The following CACNA1E variants were observed in gnomAD, a reference collection of about 807,000 sequenced individuals.
CACNA1E encodes calcium voltage-gated channel subunit alpha1 E.
In CACNA1E, 40 loss-of-function variants were observed where a neutral mutation model predicts 259.2. That is an observed-to-expected ratio of 0.15 (90% CI 0.12 to 0.20). The LOEUF (loss-of-function observed/expected upper bound fraction) is 0.20. CACNA1E is among the 10% of genes least tolerant of loss of function. The pLI, the probability that CACNA1E is intolerant of heterozygous loss-of-function variation, is 1.00. For synonymous variants in CACNA1E, 1,104 were observed against 1,138.5 expected, an observed-to-expected ratio of 0.97 and a Z score of 0.61; for missense variants, 1,874 against 3,040.1, an observed-to-expected ratio of 0.62 and a Z score of 9.02.
intron 7 of CACNA1E, among the ~76,000 whole-genome samples, chr1:181,695,955 TAATA>T (rs1558276376): frequency 1.3e-5 from 2 of 152,134 alleles, no homozygotes; most frequent in African/African-American, 4.8e-5. Context: ...ACCCTGTCTC[TAATA>T]AATAAATTAA....
intron 10 of CACNA1E, 53 bp from the exon 11 acceptor site, chr1:181,717,040 C>T (rs2102460698): frequency 6.6e-7 from 1 of 1,507,502 alleles, no homozygotes; most frequent in Non-Finnish European, 9.2e-7. Flanking sequence ...TGCTCCCTGG[C>T]CCGGACCACA....
intron 2 of CACNA1E, among the ~76,000 whole-genome samples, chr1:181,435,522 A>T (rs1239143676): frequency 6.6e-6 from 1 of 151,998 alleles, no homozygotes; most frequent in Non-Finnish European, 1.5e-5. Flanking sequence ...CTGATTATTT[A>T]TTTATTTATT....
At chr1:181,379,510 AAAC>A (rs560299229) in intron 1 of CACNA1E, among the ~76,000 whole-genome samples, 94 of 152,326 alleles carry the variant, frequency 6.2e-4, no homozygotes, top group Admixed American at 2.2e-3. Context: ...GGTAGCTTAT[AAAC>A]AACATTTATT....
chr1:181,508,272 T>C (rs1665886584), intron 1 of CACNA1E, among the ~76,000 whole-genome samples: 1 of 152,152 alleles, frequency 6.6e-6, no homozygotes, highest in Non-Finnish European at 1.5e-5. Flanking sequence ...AGGCTTTCTC[T>C]CATTGGTTGA....
intron 17 of CACNA1E, 45 bp from the exon 18 acceptor site, chr1:181,726,020 C>T (rs1433800463): frequency 7.2e-7 from 1 of 1,392,446 alleles, no homozygotes; most frequent in Non-Finnish European, 1.0e-6. Context: ...AAGCTACTCT[C>T]CTTCCTGGGG....
In CACNA1E at chr1:181,807,111, A is replaced by T. The variant is rs1472746286; in HGVS notation, c.*8277A>T. The stretch of plus-strand genomic sequence containing the variant: ...AATTCAAGACTGGCCTGGATGACAG[A>T]GTGAAACCCTCATCTCTTAAAAAAA... On this transcript the variant is annotated 3_prime_UTR_variant, in exon 48 of 48. Coordinates refer to ENST00000367573, the MANE Select transcript of CACNA1E (RefSeq NM_001205293.3). 1.3e-5 allele frequency: 2 copies of T among 149,840 alleles called. No homozygotes were observed. The highest frequency in any genetic ancestry group is 4.9e-5 in the African/African-American group (2 of 40,856). 9.3% of individuals were successfully genotyped at this position (149,840 alleles called of 1,614,324 possible). A position where few individuals can be genotyped will look rare whatever the true frequency, so the allele number is the denominator to read the frequency against.
intron 1 of CACNA1E, among the ~76,000 whole-genome samples, chr1:181,495,172 G>A (rs1332687063): frequency 6.6e-6 from 1 of 152,194 alleles, no homozygotes; most frequent in Admixed American, 6.5e-5. Flanking sequence ...GATCTCAGGA[G>A]TTGAAGGGAT....
chr1:181,603,973 G>T (rs145968729), intron 6 of CACNA1E, among the ~76,000 whole-genome samples: 1 of 152,308 alleles, frequency 6.6e-6, no homozygotes, highest in Non-Finnish European at 1.5e-5. Context: ...CTTGGCGACT[G>T]CCCTGTGACC....
Position 181,793,700 on chromosome 1 carries a change from C to CTCTAACCATGGCATCTACCT in CACNA1E, c.5937_5956dup (p.Pro1986LeufsTer26). 1 of 1,611,116 alleles carries CTCTAACCATGGCATCTACCT rather than the reference C, an allele frequency of 6.2e-7. No individual in the cohort carries two copies. Among genetic ancestry groups the CTCTAACCATGGCATCTACCT allele is most frequent in the Non-Finnish European group, 8.5e-7 (1 of 1,179,246 alleles). On this transcript the variant is annotated frameshift_variant, in exon 45 of 48. Coordinates refer to ENST00000367573, the MANE Select transcript of CACNA1E (RefSeq NM_001205293.3). LOFTEE classifies it high-confidence loss of function. ...TTAGTGAATTAAAAAGCGTGCAGCC[C>CTCTAACCATGGCATCTACCT]TCTAACCATGGCATCTACCTTCCTT...
chr1:181,622,959 TC>T (rs1366845266), intron 6 of CACNA1E, among the ~76,000 whole-genome samples: 33 of 152,224 alleles, frequency 2.2e-4, no homozygotes, highest in Admixed American at 2.2e-3. Context: ...CAGTTGGACT[TC>T]CTGTGGTGAA....
At chr1:181,326,215 A>G (rs891206413) in intron 1 of CACNA1E, among the ~76,000 whole-genome samples, 1 of 152,246 alleles carries the variant, frequency 6.6e-6, no homozygotes, top group African/African-American at 2.4e-5. Flanking sequence ...ATAGATGAGC[A>G]GAAAGGCCTG....
At chr1:181,585,020 C>CA (rs1553288758) in intron 6 of CACNA1E, among the ~76,000 whole-genome samples, 16 of 151,914 alleles carry the variant, frequency 1.1e-4, no homozygotes, top group South Asian at 2.1e-4. Context: ...GTCCCCCCCC[C>CA]TGCCTCAAAC....
At chr1:181,791,788 GCTCTTCTCTCCCCTTCATTT>G (rs1445292621) in intron 44 of CACNA1E, among the ~76,000 whole-genome samples, 1 of 152,162 alleles carries the variant, frequency 6.6e-6, no homozygotes, top group African/African-American at 2.4e-5. Context: ...TTCATCTGTG[GCTCTTCTCTCCCCTTCATTT>G]CTCTCCTGAT....
intron 46 of CACNA1E, 50 bp downstream of exon 46, chr1:181,795,094 C>G: frequency 6.9e-7 from 1 of 1,455,186 alleles, no homozygotes; most frequent in Non-Finnish European, 9.5e-7. Flanking sequence ...TGGGCTCCTG[C>G]CCTGATGCAC....
chr1:181,698,930 C>T (rs1386143335), intron 7 of CACNA1E, among the ~76,000 whole-genome samples: 1 of 152,146 alleles, frequency 6.6e-6, no homozygotes, highest in African/African-American at 2.4e-5. Context: ...GACAAAGTCT[C>T]AATTGCAGCA....
Position 181,717,280 on chromosome 1 carries a change from C to T in CACNA1E, c.1503C>T (p.Pro501=). The change falls in exon 11 of 48, where the codon CCC becomes CCT. Residue 501 remains proline (P), a synonymous_variant. Coordinates refer to ENST00000367573, the MANE Select transcript of CACNA1E (RefSeq NM_001205293.3). ...TGGCCATTGTCCATCACAACCAGCC[C>T]CAGTGGCTCACCCACCTCCTCTGTA... ...ACVAIVHHNQ[P]QWLTHLLYYA... 1.2e-6 allele frequency: 2 copies of T among 1,613,642 alleles called. No individual in the cohort carries two copies. Among genetic ancestry groups the T allele is most frequent in the East Asian group, 2.2e-5 (1 of 44,846 alleles).
chr1:181,327,273 G>A (rs7548242), intron 1 of CACNA1E, among the ~76,000 whole-genome samples: 84,040 of 151,984 alleles, frequency 0.55, 24,467 homozygotes, highest in African/African-American at 0.72. Context: ...CATTGTGCTC[G>A]CCAACTATGA....
At chr1:181,603,897 C>T (rs1341253479) in intron 6 of CACNA1E, among the ~76,000 whole-genome samples, 4 of 152,126 alleles carry the variant, frequency 2.6e-5, no homozygotes, top group Admixed American at 1.3e-4. Context: ...GATGGGGAGG[C>T]GGCTGTGCAG....
chr1:181,750,621 A>G, intron 26 of CACNA1E, 134 bp downstream of exon 26: 1 of 795,250 alleles, frequency 1.3e-6, no homozygotes. Flanking sequence ...CCAAGGGATC[A>G]AAATTAGGAG....
Sources: allele counts gnomAD v4.1 joint callset (sites outside exome capture counted in the v4.1 genomes callset), GRCh38; gene constraint gnomAD v4.1.1; transcripts MANE v1.5; gene names NCBI Gene and HGNC (gene_info 2026-07-23, HGNC 2026-07-21).